NCAM1: variants seen among roughly 807,000 people sequenced by gnomAD.
NCAM1 encodes the protein antigen recognized by monoclonal antibody 5.1H11.
NCAM1 carries 14 observed loss-of-function variants against 109.8 expected under a neutral mutation model. The observed-to-expected ratio is 0.13, with a 90% CI of 0.08 to 0.20. The LOEUF (loss-of-function observed/expected upper bound fraction) is 0.20, where lower values mean the gene tolerates loss of function less well. NCAM1 is among the 10% of genes least tolerant of loss of function. NCAM1 has a pLI of 1.00. For missense variants in NCAM1, 774 were observed against 1,109.9 expected (o/e 0.70, Z 4.30); for synonymous variants, 418 against 442.9 (o/e 0.94, Z 0.70).
chr11:113,090,565 TCAC>T (rs2135758392), intron 1 of NCAM1, among the ~76,000 whole-genome samples: 1 of 152,270 alleles, frequency 6.6e-6, no homozygotes, highest in Admixed American at 6.5e-5. Flanking sequence ...TGCCACCGCA[TCAC>T]CACATCAGCT....
At chr11:113,053,957 G>A (rs545196485) in intron 1 of NCAM1, among the ~76,000 whole-genome samples, 7 of 152,280 alleles carry the variant, frequency 4.6e-5, no homozygotes, top group African/African-American at 1.7e-4. Context: ...AGGCAGGGGT[G>A]GACTTGGGCC....
At chr11:113,015,402 G>A (rs1045549290) in intron 1 of NCAM1, among the ~76,000 whole-genome samples, 1 of 152,174 alleles carries the variant, frequency 6.6e-6, no homozygotes, top group Non-Finnish European at 1.5e-5. Context: ...AATAGTTTGG[G>A]TGTAACCCTC....
intron 1 of NCAM1, among the ~76,000 whole-genome samples, chr11:113,123,565 C>G (rs1373598949): frequency 1.3e-5 from 2 of 152,200 alleles, no homozygotes; most frequent in Non-Finnish European, 2.9e-5. Context: ...CTGCCATCCT[C>G]TCTCTGGAGA....
intron 1 of NCAM1, among the ~76,000 whole-genome samples, chr11:113,084,232 C>T (rs781902866): frequency 1.1e-4 from 17 of 152,174 alleles, no homozygotes; most frequent in Non-Finnish European, 1.6e-4. Flanking sequence ...CCTCTGTTTG[C>T]ACCACCCTGA....
intron 17 of NCAM1, chr11:113,263,219 G>A (rs1946057530): frequency 9.2e-7 from 1 of 1,086,430 alleles, no homozygotes; most frequent in Non-Finnish European, 1.1e-6. Flanking sequence ...TAGATTTACA[G>A]AGAAGTTTCT....
chr11:113,130,165 C>T (rs1555098079), intron 1 of NCAM1, among the ~76,000 whole-genome samples: 1 of 152,216 alleles, frequency 6.6e-6, no homozygotes, highest in East Asian at 1.9e-4. Flanking sequence ...AAGCCTCGTT[C>T]AGTATTCACA....
intron 1 of NCAM1, among the ~76,000 whole-genome samples, chr11:113,117,724 G>C (rs1431114568): frequency 1.3e-5 from 2 of 152,008 alleles, no homozygotes; most frequent in African/African-American, 4.8e-5. Context: ...TTATAAATCT[G>C]TGAGACTTCT....
In NCAM1 at chr11:113,025,734, G is replaced by T. The variant is rs1483423403; in HGVS notation, c.52+64070G>T. On this transcript the variant is annotated intron_variant, in intron 1 of 19. Transcript: ENST00000316851. ...CCACATCTCACAAAAAAAAAAAAAA[G>T]CTCTCTCTGATATTGGAAATGAGAT... 5.8e-5 allele frequency among the ~76,000 whole-genome samples: 7 copies of T among 120,666 alleles called. 1 individual carries two copies. Among genetic ancestry groups the T allele is most frequent in the Non-Finnish European group, 1.2e-4 (7 of 58,044 alleles). 79.2% of individuals were successfully genotyped at this position (120,666 alleles called of 152,430 possible). A position where few individuals can be genotyped will look rare whatever the true frequency, so the allele number is the denominator to read the frequency against.
intron 1 of NCAM1, among the ~76,000 whole-genome samples, chr11:113,099,754 T>A (rs1939783100): frequency 1.3e-5 from 2 of 152,156 alleles, no homozygotes; most frequent in Non-Finnish European, 2.9e-5. Context: ...AGTGGTGTGA[T>A]CTCAGCTCAC....
intron 1 of NCAM1, among the ~76,000 whole-genome samples, chr11:113,181,784 G>A (rs532593011): frequency 2.0e-5 from 3 of 152,222 alleles, no homozygotes; most frequent in Middle Eastern, 3.4e-3. Flanking sequence ...GCAACCAGGG[G>A]TCCTGGTCCC....
At chr11:113,100,615 C>T (rs1939830331) in intron 1 of NCAM1, among the ~76,000 whole-genome samples, 1 of 152,046 alleles carries the variant, frequency 6.6e-6, no homozygotes, top group African/African-American at 2.4e-5. Context: ...AGCTGAACTC[C>T]TTTCCGTTCA....
chr11:113,016,271 A>G (rs1952202821), intron 1 of NCAM1, among the ~76,000 whole-genome samples: 1 of 152,142 alleles, frequency 6.6e-6, no homozygotes, highest in Admixed American at 6.5e-5. Context: ...TAGGCTTGTT[A>G]TCTCTATTTG....
chr11:113,207,789 T>A, intron 6 of NCAM1, 44 bp from the exon 7 acceptor site: 1 of 1,554,188 alleles, frequency 6.4e-7, no homozygotes, highest in South Asian at 1.2e-5. Flanking sequence ...ACGTCTTATT[T>A]CTGTGGTCGA....
intron 1 of NCAM1, among the ~76,000 whole-genome samples, chr11:113,027,975 T>A (rs1952601630): frequency 1.3e-5 from 2 of 152,124 alleles, no homozygotes; most frequent in Admixed American, 6.5e-5. Flanking sequence ...ATTTCACTCA[T>A]ATGTAGAATC....
At chr11:113,162,004 G>A (rs891327870) in intron 1 of NCAM1, among the ~76,000 whole-genome samples, 3 of 152,178 alleles carry the variant, frequency 2.0e-5, no homozygotes, top group Non-Finnish European at 4.4e-5. Flanking sequence ...ACTGCTGTTC[G>A]AGATATTTTC....
intron 1 of NCAM1, among the ~76,000 whole-genome samples, chr11:113,132,528 C>A (rs531536577): frequency 6.6e-6 from 1 of 152,066 alleles, no homozygotes; most frequent in African/African-American, 2.4e-5. Flanking sequence ...GTCAACACAA[C>A]TCCCAGCTCC....
At chr11:113,163,606 G>C (rs1283395747) in intron 1 of NCAM1, among the ~76,000 whole-genome samples, 5 of 152,204 alleles carry the variant, frequency 3.3e-5, no homozygotes, top group Admixed American at 3.3e-4. Context: ...GTCCAGCCTT[G>C]TCTCAGAGAG....
chr11:113,259,830 A>G (rs1555122950), intron 16 of NCAM1, among the ~76,000 whole-genome samples: 1 of 151,310 alleles, frequency 6.6e-6, no homozygotes, highest in East Asian at 2.0e-4. Context: ...CAGCCTCCAG[A>G]GTAGCTGGGA....
At chr11:113,179,333 G>A (rs922309261) in intron 1 of NCAM1, among the ~76,000 whole-genome samples, 1 of 152,204 alleles carries the variant, frequency 6.6e-6, no homozygotes, top group Non-Finnish European at 1.5e-5. Context: ...CTTTTGCTAT[G>A]GAGCAAAATA....
Sources: gnomAD v4.1 joint callset for allele counts (sites outside exome capture counted in the v4.1 genomes callset) on GRCh38, gnomAD v4.1.1 for gene constraint, MANE v1.5 for transcripts, NCBI Gene and HGNC (gene_info 2026-07-23, HGNC 2026-07-21) for gene names.